PLCB1: variants seen among roughly 807,000 people sequenced by gnomAD.
The protein encoded by PLCB1 is 1-phosphatidylinositol 4,5-bisphosphate phosphodiesterase beta-1.
Under a neutral mutation model 161.8 loss-of-function variants are expected in PLCB1, and 46 were observed. That is an observed-to-expected ratio of 0.28 (90% CI 0.22 to 0.36). The LOEUF (loss-of-function observed/expected upper bound fraction) is 0.36. Among genes scored for constraint, PLCB1 ranks in the 10% least tolerant of loss-of-function variants. PLCB1 has a pLI of 1.00. For synonymous variants in PLCB1, 517 were observed against 503.7 expected (o/e 1.03, Z -0.35); for missense variants, 1,016 against 1,472.5 (o/e 0.69, Z 5.07).
intron 3 of PLCB1, among the ~76,000 whole-genome samples, chr20:8,521,157 G>T (rs550803106): frequency 6.6e-5 from 10 of 152,118 alleles, no homozygotes; most frequent in African/African-American, 2.4e-4. Flanking sequence ...CTAATTCTAG[G>T]TAATGCTTCA....
At chr20:8,840,599 C>T (rs1224953165) in intron 31 of PLCB1, among the ~76,000 whole-genome samples, 2 of 152,158 alleles carry the variant, frequency 1.3e-5, no homozygotes, top group Admixed American at 1.3e-4. Flanking sequence ...TCCAGACTTT[C>T]ATAACTTCAC....
chr20:8,287,779 C>G (rs1387377121), intron 2 of PLCB1, among the ~76,000 whole-genome samples: 1 of 152,108 alleles, frequency 6.6e-6, no homozygotes, highest in African/African-American at 2.4e-5. Flanking sequence ...ATTAACGCCT[C>G]CTAAAGCTAA....
chr20:8,353,626 C>G (rs532738306), intron 2 of PLCB1, among the ~76,000 whole-genome samples: 1 of 152,072 alleles, frequency 6.6e-6, no homozygotes, highest in Non-Finnish European at 1.5e-5. Context: ...TCCCGAAACC[C>G]ACAACTTCAG....
rs57688488 is a variant in PLCB1, at chr20:8,199,027, AT to A, written c.177+48664del. Among the ~76,000 whole-genome samples the A allele has an allele frequency of 7.4e-3, 1,130 of 151,714 alleles. 15 individuals are homozygous for A. The highest frequency in any genetic ancestry group is 0.024 in the African/African-American group (1,008 of 41,364). ...ATCTTAATTTGCGGGAACATTAAAA[AT>A]TTTTTTTCTATGTGGCTATACATAA... On this transcript the variant is annotated intron_variant, in intron 2 of 31. Coordinates refer to ENST00000338037, the MANE Select transcript of PLCB1 (RefSeq NM_015192.4).
At chr20:8,584,343 T>C (rs188876788) in intron 3 of PLCB1, among the ~76,000 whole-genome samples, 1 of 152,270 alleles carries the variant, frequency 6.6e-6, no homozygotes, top group East Asian at 1.9e-4. Flanking sequence ...AAACCAGGAC[T>C]TGTGCATACT....
At chr20:8,430,127 G>A (rs1979971754) in intron 3 of PLCB1, among the ~76,000 whole-genome samples, 1 of 151,978 alleles carries the variant, frequency 6.6e-6, no homozygotes, top group African/African-American at 2.4e-5. Flanking sequence ...GTGACTGGGT[G>A]TGAATCTACA....
At chr20:8,654,606 A>G (rs1989402694) in intron 7 of PLCB1, among the ~76,000 whole-genome samples, 1 of 144,440 alleles carries the variant, frequency 6.9e-6, no homozygotes, top group African/African-American at 2.9e-5. Context: ...GAAGATAGAT[A>G]AAGGGAGACT....
intron 3 of PLCB1, among the ~76,000 whole-genome samples, chr20:8,549,184 A>AAAAT (rs552089110): frequency 6.6e-6 from 1 of 152,174 alleles, no homozygotes; most frequent in Non-Finnish European, 1.5e-5. Flanking sequence ...GAATAACCAG[A>AAAAT]AAATAAATAA....
intron 3 of PLCB1, among the ~76,000 whole-genome samples, chr20:8,492,836 T>C (rs529498503): frequency 1.5e-5 from 2 of 129,206 alleles, no homozygotes; most frequent in South Asian, 5.0e-4. Context: ...GCAAACTTTA[T>C]TATATATATA....
chr20:8,704,665 C>G (rs1435686873), intron 11 of PLCB1, among the ~76,000 whole-genome samples: 1 of 152,202 alleles, frequency 6.6e-6, no homozygotes, highest in Non-Finnish European at 1.5e-5. Context: ...TGGGACACAG[C>G]CACATCCAAT....
intron 4 of PLCB1, among the ~76,000 whole-genome samples, chr20:8,630,005 T>TCTTTCTTTCTTTCTTC (rs746185755): frequency 9.0e-4 from 111 of 122,972 alleles, no homozygotes; most frequent in Middle Eastern, 4.3e-3. Flanking sequence ...TTTCTTTCTT[T>TCTTTCTTTCTTTCTTC]CTTTCTCTTT....
chr20:8,641,862 A>G (rs906100131), intron 4 of PLCB1, among the ~76,000 whole-genome samples: 3 of 152,182 alleles, frequency 2.0e-5, no homozygotes, highest in African/African-American at 7.2e-5. Flanking sequence ...TTCAGTCTCC[A>G]AATTCCTGAT....
intron 9 of PLCB1, among the ~76,000 whole-genome samples, chr20:8,679,867 G>A (rs943250957): frequency 6.6e-6 from 1 of 152,148 alleles, no homozygotes. Flanking sequence ...GAAAACAGTA[G>A]CATTGCTTTT....
Position 8,308,618 on chromosome 20 carries a change from C to CAA in PLCB1, c.178-62742_178-62741dup, listed in dbSNP as rs71183088. Among the ~76,000 whole-genome samples the CAA allele has an allele frequency of 1.4e-3, 105 of 73,536 alleles. 1 individual carries two copies. The highest frequency in any genetic ancestry group is 1.4e-3 in the Non-Finnish European group (51 of 35,688). The allele number at this position is 73,536 out of a possible 152,430, so 48.2% of individuals were successfully genotyped here. A position where few individuals can be genotyped will look rare whatever the true frequency, so the allele number is the denominator to read the frequency against. On this transcript the variant is annotated intron_variant, in intron 2 of 31. Coordinates refer to ENST00000338037, the MANE Select transcript of PLCB1 (RefSeq NM_015192.4). Reference sequence around the variant, plus strand: ...GGCAACAGAGCGAGATTCCGTATATCAAAAAAAAAAAAAAAAAAAAAAAGG... The same window carrying CAA: ...GGCAACAGAGCGAGATTCCGTATATCAAAAAAAAAAAAAAAAAAAAAAAAAGG...
intron 2 of PLCB1, among the ~76,000 whole-genome samples, chr20:8,309,085 T>C (rs1984271294): frequency 6.6e-6 from 1 of 152,056 alleles, no homozygotes; most frequent in African/African-American, 2.4e-5. Flanking sequence ...CTGGGAGGAA[T>C]AGTATTTTTC....
chr20:8,250,467 A>G (rs1037002196), intron 2 of PLCB1, among the ~76,000 whole-genome samples: 7 of 151,842 alleles, frequency 4.6e-5, no homozygotes, highest in Non-Finnish European at 8.8e-5. Context: ...ATGATTTTGC[A>G]TCTGTAAGGT....
chr20:8,741,582 G>A lies in PLCB1; in HGVS notation c.2523+9G>A. 1 of 1,585,078 alleles carries A rather than the reference G, an allele frequency of 6.3e-7. No homozygotes were observed. The highest frequency in any genetic ancestry group is 8.7e-7 in the Non-Finnish European group (1 of 1,154,210). The stretch of plus-strand genomic sequence containing the variant: ...AAGAAGTAAAGAAAGAGGTGAGAGG[G>A]TGTTTTAATTTTACATATAGCATTA... On this transcript the variant is annotated intron_variant, in intron 23 of 31. Coordinates refer to ENST00000338037, the MANE Select transcript of PLCB1 (RefSeq NM_015192.4).
At chr20:8,699,175 C>G (rs1990645834) in intron 11 of PLCB1, among the ~76,000 whole-genome samples, 1 of 152,178 alleles carries the variant, frequency 6.6e-6, no homozygotes, top group Non-Finnish European at 1.5e-5. Context: ...CACTAGGTCC[C>G]AAGGCATAAG....
intron 2 of PLCB1, among the ~76,000 whole-genome samples, chr20:8,209,699 A>G (rs1324532639): frequency 6.6e-6 from 1 of 152,148 alleles, no homozygotes; most frequent in Non-Finnish European, 1.5e-5. Flanking sequence ...TGATCCACCC[A>G]GTGGTCATGC....
Sources: allele counts gnomAD v4.1 joint callset (sites outside exome capture counted in the v4.1 genomes callset), GRCh38; gene constraint gnomAD v4.1.1; transcripts MANE v1.5; gene names NCBI Gene and HGNC (gene_info 2026-07-23, HGNC 2026-07-21).